The following TF variants were observed in gnomAD, a reference collection of about 807,000 sequenced individuals.
The protein encoded by TF is transferrin.
In TF, 55 loss-of-function variants were observed where a neutral mutation model predicts 82.4. That is an observed-to-expected ratio of 0.67 (90% CI 0.54 to 0.84). The LOEUF is 0.84. Ranked by LOEUF, TF falls within the 40% of genes least tolerant of loss-of-function variation. The pLI is 0.00. For synonymous variants in TF, 332 were observed against 332.6 expected (o/e 1.00, Z 0.02); for missense variants, 737 against 868.4 (o/e 0.85, Z 1.90).
chr3:133,668,495 T>G, the TF span, among the ~76,000 whole-genome samples: 1 of 152,184 alleles, frequency 6.6e-6, no homozygotes, highest in Non-Finnish European at 1.5e-5. Flanking sequence ...ATGATGGCTA[T>G]GGGTCTCCAC....
the TF span, among the ~76,000 whole-genome samples, chr3:133,679,569 CTTTTTTTTT>C: frequency 2.7e-5 from 2 of 75,382 alleles, no homozygotes; most frequent in African/African-American, 5.4e-5. Context: ...CTTTGTTTGG[CTTTTTTTTT>C]TTTTTTTTTT....
chr3:133,685,550 C>T, the TF span, among the ~76,000 whole-genome samples: 3 of 152,174 alleles, frequency 2.0e-5, no homozygotes, highest in Non-Finnish European at 4.4e-5. Context: ...CATTCCTATA[C>T]ACCAATAACA....
In TF at chr3:133,757,890, A is replaced by G. The variant is rs1348446471; in HGVS notation, c.992A>G (p.Lys331Arg). 1.2e-6 allele frequency: 2 copies of G among 1,614,202 alleles called. No individual in the cohort carries two copies. The highest frequency in any genetic ancestry group is 1.7e-6 in the Non-Finnish European group (2 of 1,180,040). ...AAAGTCCCCCCCAGGATGGATGCCA[A>G]GATGTACCTGGGCTATGAGTATGTC... is the stretch of plus-strand genomic sequence containing the variant. ...FLKVPPRMDA[K>R]MYLGYEYVTA... The change falls in exon 8 of 17, where the codon AAG becomes AGG. Residue 331 changes from lysine (K) to arginine (R), a missense_variant. Transcript: ENST00000402696.
chr3:133,720,302 ATGAAG>A, the TF span, among the ~76,000 whole-genome samples: 1 of 152,122 alleles, frequency 6.6e-6, no homozygotes. Context: ...AGTTTTTATC[ATGAAG>A]TGAGGTTGAA....
At chr3:133,698,143 A>G in the TF span, among the ~76,000 whole-genome samples, 1 of 152,242 alleles carries the variant, frequency 6.6e-6, no homozygotes, top group Non-Finnish European at 1.5e-5. Context: ...CCTAAAGAAC[A>G]CTGTGATCAA....
chr3:133,715,320 C>G, the TF span, among the ~76,000 whole-genome samples: 1,500 of 152,228 alleles, frequency 9.9e-3, 21 homozygotes, highest in African/African-American at 0.034. Context: ...TCTACAACAC[C>G]CTGCTGCCAT....
Position 133,766,820 on chromosome 3 carries a change from T to G in TF, c.1486+387T>G, listed in dbSNP as rs8177280. Among the ~76,000 whole-genome samples, 779 of 152,258 alleles carry G rather than the reference T, an allele frequency of 5.1e-3. 5 individuals are homozygous for G. The highest frequency in any genetic ancestry group is 0.018 in the African/African-American group (747 of 41,554). On this transcript the variant is annotated intron_variant, in intron 12 of 16. Transcript: ENST00000402696. ...AGGTCACCCCATGGTTGCCATCGCATCCATGATCCAGGCAGCCCCAGTCAC... is the reference window on the plus strand; with the variant it reads ...AGGTCACCCCATGGTTGCCATCGCAGCCATGATCCAGGCAGCCCCAGTCAC...
At chr3:133,667,755 G>A in the TF span, among the ~76,000 whole-genome samples, 1 of 152,186 alleles carries the variant, frequency 6.6e-6, no homozygotes, top group Non-Finnish European at 1.5e-5. Context: ...TCATCCTTAA[G>A]GGAGGTGTCT....
At chr3:133,742,475 A>T (rs1228186610), upstream of TF, among the ~76,000 whole-genome samples, 1 of 152,070 alleles carries the variant, frequency 6.6e-6, no homozygotes, top group Non-Finnish European at 1.5e-5. Flanking sequence ...AAAGAGAGAG[A>T]GAGTGAGAGC....
the TF span, among the ~76,000 whole-genome samples, chr3:133,723,637 T>TTATTATTA: frequency 1.2e-4 from 17 of 143,570 alleles, no homozygotes; most frequent in South Asian, 2.2e-4. Context: ...GTTTGGTTCT[T>TTATTATTA]TTATTATTAT....
the TF span, among the ~76,000 whole-genome samples, chr3:133,722,133 G>T: frequency 0.59 from 89,044 of 151,712 alleles, 26,639 homozygotes; most frequent in East Asian, 0.76. Flanking sequence ...CTCCCTGCCT[G>T]GGCCTCCCAA....
chr3:133,736,631 C>CAAAAAAAAAAAAAAAA, the TF span, among the ~76,000 whole-genome samples: 20 of 32,550 alleles, frequency 6.1e-4, 1 homozygote, highest in South Asian at 2.4e-3. Context: ...AATGGAAAGC[C>CAAAAAAAAAAAAAAAA]AAAAAAAAAA....
Position 133,779,533 on chromosome 3 carries a change from G to C in TF, c.*913G>C, listed in dbSNP as rs1476726421. Reference sequence around the variant, plus strand: ...CTCTGACATGGCAGGTCTCTGCTTTGATTCCTACCTCTCTCTGTTCATTTG... The same window carrying C: ...CTCTGACATGGCAGGTCTCTGCTTTCATTCCTACCTCTCTCTGTTCATTTG... On this transcript the variant is annotated 3_prime_UTR_variant, in exon 17 of 17. Coordinates refer to ENST00000402696, the MANE Select transcript of TF (RefSeq NM_001063.4). 1 of 152,246 alleles carries C rather than the reference G, an allele frequency of 6.6e-6. No homozygotes were observed. The highest frequency in any genetic ancestry group is 1.5e-5 in the Non-Finnish European group (1 of 68,100). The allele number at this position is 152,246 out of a possible 1,614,324, so 9.4% of individuals were successfully genotyped here.
the TF span, among the ~76,000 whole-genome samples, chr3:133,710,798 C>T: frequency 6.6e-6 from 1 of 152,166 alleles, no homozygotes; most frequent in East Asian, 1.9e-4. Flanking sequence ...ATTGGCCCCC[C>T]CACAACATTC....
At chr3:133,707,024 A>G in the TF span, among the ~76,000 whole-genome samples, 1 of 152,210 alleles carries the variant, frequency 6.6e-6, no homozygotes, top group African/African-American at 2.4e-5. Flanking sequence ...TATAGTCAGA[A>G]ACAACCCTAA....
rs570881636 is a variant in TF, at chr3:133,750,697, A to C, written c.216+2113A>C. Among the ~76,000 whole-genome samples, 4 of 152,258 alleles carry C rather than the reference A, an allele frequency of 2.6e-5. No individual in the cohort carries two copies. The South Asian group carries it at 8.3e-4, about 32-fold the overall frequency. ...ACCAGTGATTTCTTGGTGTCTTGGC[A>C]AAGAAAGACCAGGTTCCTGACCACT... is the stretch of plus-strand genomic sequence containing the variant. On this transcript the variant is annotated intron_variant, in intron 2 of 16. Transcript: ENST00000402696.
the TF span, chr3:133,701,036 C>T: frequency 6.6e-6 from 1 of 152,574 alleles, no homozygotes; most frequent in Non-Finnish European, 1.5e-5. Context: ...TTTTCCGCGA[C>T]TCAGGATCCA....
At chr3:133,739,660 C>T in the TF span, among the ~76,000 whole-genome samples, 1 of 149,720 alleles carries the variant, frequency 6.7e-6, no homozygotes, top group African/African-American at 2.4e-5. Context: ...AGGATATGAA[C>T]AACCATCAAA....
rs1178245431 is a variant in TF, at chr3:133,787,834, G to A, written c.*9214G>A. 1 of 152,188 alleles carries A rather than the reference G, an allele frequency of 6.6e-6. No individual in the cohort carries two copies. The highest frequency in any genetic ancestry group is 1.5e-5 in the Non-Finnish European group (1 of 68,046). The allele number at this position is 152,188 out of a possible 1,614,324, so 9.4% of individuals were successfully genotyped here. A position where few individuals can be genotyped will look rare whatever the true frequency, so the allele number is the denominator to read the frequency against. ...AAATATCCACTCTCTAGATACTAAA[G>A]AGGTTGCCAATGTATGACAAAAATA... is the stretch of plus-strand genomic sequence containing the variant. On this transcript the variant is annotated 3_prime_UTR_variant, in exon 17 of 17. Transcript: ENST00000402696.
Sources: allele counts gnomAD v4.1 joint callset (sites outside exome capture counted in the v4.1 genomes callset), GRCh38; gene constraint gnomAD v4.1.1; transcripts MANE v1.5; gene names NCBI Gene and HGNC (gene_info 2026-07-23, HGNC 2026-07-21).